The following GRID2 variants were observed in gnomAD, a reference collection of about 807,000 sequenced individuals.
The protein encoded by GRID2 is glutamate ionotropic receptor delta type subunit 2, also known as glutamate receptor ionotropic, delta-2.
Under a neutral mutation model 114.8 loss-of-function variants are expected in GRID2, and 33 were observed. The observed-to-expected ratio is 0.29, with a 90% CI of 0.22 to 0.38. GRID2 has a LOEUF of 0.38. Ranked by LOEUF, GRID2 falls within the 10% of genes least tolerant of loss-of-function variation. GRID2 has a pLI of 1.00. For missense variants in GRID2, 1,184 were observed against 1,257.7 expected (o/e 0.94, Z 0.89); for synonymous variants, 505 against 449.9 (o/e 1.12, Z -1.55).
At chr4:93,594,924 C>T (rs1738906281) in intron 13 of GRID2, among the ~76,000 whole-genome samples, 1 of 151,984 alleles carries the variant, frequency 6.6e-6, no homozygotes, top group African/African-American at 2.4e-5. Context: ...ATGCACGGTG[C>T]ACGCACCCAC....
At chr4:93,434,554 CAA>C (rs1292073298) in intron 10 of GRID2, among the ~76,000 whole-genome samples, 1 of 151,640 alleles carries the variant, frequency 6.6e-6, no homozygotes, top group Non-Finnish European at 1.5e-5. Flanking sequence ...AAAACAAAAA[CAA>C]AAACAAAAAA....
intron 1 of GRID2, among the ~76,000 whole-genome samples, chr4:92,355,980 CA>C (rs1324346003): frequency 2.5e-4 from 38 of 151,852 alleles, no homozygotes; most frequent in South Asian, 8.3e-4. Flanking sequence ...TTATAATTTT[CA>C]AAAACTAAAA....
intron 8 of GRID2, among the ~76,000 whole-genome samples, chr4:93,304,854 G>A (rs192182595): frequency 1.3e-5 from 2 of 152,268 alleles, no homozygotes; most frequent in Admixed American, 6.5e-5. Context: ...TAGTAAAAAT[G>A]TATAGTTAAC....
intron 8 of GRID2, among the ~76,000 whole-genome samples, chr4:93,263,274 C>A (rs1234080871): frequency 6.6e-6 from 1 of 151,914 alleles, no homozygotes; most frequent in Non-Finnish European, 1.5e-5. Flanking sequence ...GTAGTAATTT[C>A]AATACAGTCA....
chr4:93,456,006 A>C (rs750942161), intron 11 of GRID2, 32 bp downstream of exon 11: 2 of 1,259,848 alleles, frequency 1.6e-6, no homozygotes, highest in Admixed American at 1.7e-5. Flanking sequence ...TAGTATTTAA[A>C]AAAAATAGAA....
chr4:93,142,582 A>G, intron 4 of GRID2, among the ~76,000 whole-genome samples: 1 of 152,178 alleles, frequency 6.6e-6, no homozygotes, highest in East Asian at 1.9e-4. Flanking sequence ...GAATTTCACC[A>G]TAGGAATTGG....
At chr4:92,503,564 A>G (rs1002853934) in intron 1 of GRID2, among the ~76,000 whole-genome samples, 2 of 152,080 alleles carry the variant, frequency 1.3e-5, no homozygotes, top group African/African-American at 4.8e-5. Context: ...TGTTTCCATG[A>G]TCCTTATAGC....
chr4:92,730,858 G>C (rs954904859), intron 2 of GRID2, among the ~76,000 whole-genome samples: 3 of 151,914 alleles, frequency 2.0e-5, no homozygotes, highest in African/African-American at 7.2e-5. Flanking sequence ...AAATTATTCA[G>C]AAATCTAACT....
chr4:93,593,238 A>T (rs1430019337), intron 13 of GRID2, among the ~76,000 whole-genome samples: 5 of 145,990 alleles, frequency 3.4e-5, no homozygotes, highest in African/African-American at 1.2e-4. Context: ...GAGCTCTTTT[A>T]GGGCAGGCCT....
intron 2 of GRID2, among the ~76,000 whole-genome samples, chr4:92,748,679 T>A (rs927078910): frequency 6.2e-5 from 7 of 113,396 alleles, no homozygotes; most frequent in East Asian, 2.8e-4. Flanking sequence ...TATTATTATT[T>A]GAGATGGAGT....
At chr4:93,216,138 A>G (rs1195547823) in intron 5 of GRID2, among the ~76,000 whole-genome samples, 1 of 152,028 alleles carries the variant, frequency 6.6e-6, no homozygotes, top group Non-Finnish European at 1.5e-5. Context: ...TTTTTCATCT[A>G]TTCCTTACCA....
chr4:92,904,996 T>G (rs985636512), intron 2 of GRID2, among the ~76,000 whole-genome samples: 9 of 152,080 alleles, frequency 5.9e-5, no homozygotes, highest in African/African-American at 2.2e-4. Context: ...GGCAATTTGC[T>G]ACATCAATAT....
At chr4:92,967,247 T>G (rs1051225977) in intron 2 of GRID2, among the ~76,000 whole-genome samples, 1 of 151,972 alleles carries the variant, frequency 6.6e-6, no homozygotes, top group Non-Finnish European at 1.5e-5. Context: ...GGTTCACCAT[T>G]TGCTGGATTG....
chr4:92,465,498 A>G (rs917906196), intron 1 of GRID2, among the ~76,000 whole-genome samples: 2 of 152,132 alleles, frequency 1.3e-5, no homozygotes, highest in Non-Finnish European at 2.9e-5. Flanking sequence ...ATATAGAGCT[A>G]TAATTCACAA....
At chr4:93,720,668 G>T (rs561373891) in intron 14 of GRID2, among the ~76,000 whole-genome samples, 26 of 152,234 alleles carry the variant, frequency 1.7e-4, no homozygotes, top group African/African-American at 6.3e-4. Context: ...TCAGGTTATT[G>T]GTTAGTCATA....
At chr4:93,330,123 G>A (rs536751379) in intron 8 of GRID2, among the ~76,000 whole-genome samples, 92 of 152,086 alleles carry the variant, frequency 6.0e-4, no homozygotes, top group African/African-American at 2.0e-3. Flanking sequence ...ATATTTAATC[G>A]CATTAGGTTT....
intron 2 of GRID2, among the ~76,000 whole-genome samples, chr4:92,795,294 C>G (rs560327239): frequency 1.3e-5 from 2 of 151,958 alleles, no homozygotes; most frequent in African/African-American, 4.8e-5. Flanking sequence ...CTGTGCTATT[C>G]TAGTGATATT....
intron 2 of GRID2, among the ~76,000 whole-genome samples, chr4:92,982,429 T>G (rs1480957132): frequency 1.3e-5 from 2 of 152,064 alleles, no homozygotes; most frequent in Non-Finnish European, 2.9e-5. Flanking sequence ...ATTATTTGAG[T>G]GATTAAAAAT....
chr4:93,680,023 A>T (rs961524570), intron 14 of GRID2, among the ~76,000 whole-genome samples: 1 of 151,250 alleles, frequency 6.6e-6, no homozygotes, highest in Non-Finnish European at 1.5e-5. Context: ...AAATTGATAG[A>T]CCGCTAGCAA....
Sources: gnomAD v4.1 joint callset for allele counts (sites outside exome capture counted in the v4.1 genomes callset) on GRCh38, gnomAD v4.1.1 for gene constraint, MANE v1.5 for transcripts, NCBI Gene and HGNC (gene_info 2026-07-23, HGNC 2026-07-21) for gene names.